KIF16B: variants seen among roughly 807,000 people sequenced by gnomAD.
KIF16B encodes kinesin-like protein KIF16B.
KIF16B carries 98 observed loss-of-function variants against 156.3 expected under a neutral mutation model. That is an observed-to-expected ratio of 0.63 (90% CI 0.53 to 0.74). The LOEUF (loss-of-function observed/expected upper bound fraction) is 0.74. KIF16B is among the 30% of genes least tolerant of loss of function. The pLI is 0.00. For missense variants in KIF16B, 1,421 were observed against 1,606.5 expected (o/e 0.88, Z 1.97); for synonymous variants, 564 against 583.7 (o/e 0.97, Z 0.49).
intron 1 of KIF16B, among the ~76,000 whole-genome samples, chr20:16,572,661 TATTTCAAACAC>T (rs1463039213): frequency 2.6e-5 from 4 of 152,202 alleles, no homozygotes; most frequent in African/African-American, 9.6e-5. Context: ...AATATCAGAG[TATTTCAAACAC>T]GTGTAAAGCG....
At chr20:16,457,372 C>T (rs1197555737) in intron 12 of KIF16B, among the ~76,000 whole-genome samples, 1 of 152,164 alleles carries the variant, frequency 6.6e-6, no homozygotes, top group African/African-American at 2.4e-5. Flanking sequence ...CAATATCTCT[C>T]CCCGAAAACC....
At chr20:16,344,662 GAAGACA>G (rs1339886091) in intron 23 of KIF16B, among the ~76,000 whole-genome samples, 2 of 152,146 alleles carry the variant, frequency 1.3e-5, no homozygotes, top group Non-Finnish European at 2.9e-5. Flanking sequence ...CCTGCACGCT[GAAGACA>G]GCCCCCTAGG....
chr20:16,485,671 T>A (rs2068093997), intron 12 of KIF16B, among the ~76,000 whole-genome samples: 1 of 152,226 alleles, frequency 6.6e-6, no homozygotes, highest in Admixed American at 6.5e-5. Context: ...CACTGGGCCT[T>A]TAAAACCAAC....
intron 17 of KIF16B, among the ~76,000 whole-genome samples, chr20:16,388,022 T>G (rs1600265621): frequency 1.3e-5 from 2 of 152,360 alleles, no homozygotes; most frequent in East Asian, 3.9e-4. Flanking sequence ...ACTTGTGATT[T>G]TCTTTCTGTG....
At chr20:16,305,577 A>C (rs191592367) in intron 25 of KIF16B, among the ~76,000 whole-genome samples, 6 of 152,318 alleles carry the variant, frequency 3.9e-5, no homozygotes, top group African/African-American at 9.6e-5. Context: ...AATATACAAT[A>C]AGTGATAATT....
At chr20:16,493,905 C>T (rs545954803) in intron 12 of KIF16B, among the ~76,000 whole-genome samples, 94 of 152,116 alleles carry the variant, frequency 6.2e-4, no homozygotes, top group Admixed American at 1.1e-3. Context: ...AATATTGCCA[C>T]GGGAAATATT....
At chr20:16,286,416 T>C (rs1429822091) in intron 25 of KIF16B, among the ~76,000 whole-genome samples, 1 of 151,954 alleles carries the variant, frequency 6.6e-6, no homozygotes, top group East Asian at 1.9e-4. Context: ...TACTCCAGAG[T>C]CTGAAAAAAT....
chr20:16,333,342 C>T (rs975883412), intron 24 of KIF16B, among the ~76,000 whole-genome samples: 2 of 152,160 alleles, frequency 1.3e-5, no homozygotes, highest in Non-Finnish European at 2.9e-5. Context: ...GCTCTCATGC[C>T]ACACTATCAC....
intron 23 of KIF16B, among the ~76,000 whole-genome samples, chr20:16,344,539 C>T (rs1005136295): frequency 6.6e-6 from 1 of 152,164 alleles, no homozygotes; most frequent in Non-Finnish European, 1.5e-5. Flanking sequence ...CCTCCTGACA[C>T]TGGGAGACCA....
intron 1 of KIF16B, among the ~76,000 whole-genome samples, chr20:16,537,397 T>C (rs895608912): frequency 2.6e-5 from 4 of 152,138 alleles, no homozygotes; most frequent in African/African-American, 9.7e-5. Flanking sequence ...CACTCCTGCT[T>C]GTCTCATCCA....
chr20:16,320,222 T>C (rs1430214140), intron 24 of KIF16B, among the ~76,000 whole-genome samples: 5 of 152,196 alleles, frequency 3.3e-5, no homozygotes, highest in Admixed American at 3.3e-4. Flanking sequence ...ACCTAGCCTA[T>C]ATCTTAGCCA....
At chr20:16,490,646 C>T (rs11907288) in intron 12 of KIF16B, among the ~76,000 whole-genome samples, 8,424 of 152,158 alleles carry the variant, frequency 0.055, 482 homozygotes, top group African/African-American at 0.15. Flanking sequence ...AAGACACAGA[C>T]AAGAGAGGAC....
At chr20:16,424,837 G>A (rs2066313341) in intron 15 of KIF16B, among the ~76,000 whole-genome samples, 1 of 152,084 alleles carries the variant, frequency 6.6e-6, no homozygotes, top group African/African-American at 2.4e-5. Flanking sequence ...TGGAAGCCAG[G>A]TTCATCACTG....
At chr20:16,368,306 G>C (rs1568894060) in intron 22 of KIF16B, 1 of 995,262 alleles carries the variant, frequency 1.0e-6, no homozygotes, top group African/African-American at 1.7e-5. Context: ...GCCCGGTAAG[G>C]CGCCGCACCC....
chr20:16,422,750 G>T (rs1275965635), intron 15 of KIF16B, among the ~76,000 whole-genome samples: 1 of 152,068 alleles, frequency 6.6e-6, no homozygotes, highest in Admixed American at 6.6e-5. Flanking sequence ...GAAAGAAATA[G>T]ATGATAATTC....
At chr20:16,293,986 A>T (rs1361509748) in intron 25 of KIF16B, among the ~76,000 whole-genome samples, 3 of 152,052 alleles carry the variant, frequency 2.0e-5, no homozygotes, top group East Asian at 3.9e-4. Context: ...AAAATTTTTT[A>T]AAAAGTCAAG....
Position 16,532,698 on chromosome 20 carries a change from T to C in KIF16B, c.48-4258A>G, listed in dbSNP as rs569683758. 2.0e-5 allele frequency among the ~76,000 whole-genome samples: 3 copies of C among 152,342 alleles called. No homozygotes were observed. In the South Asian group the frequency reaches 6.2e-4, roughly 32 times the overall value. The stretch of plus-strand genomic sequence containing the variant: ...CTCAATCAATCACTAACCTAATGCA[T>C]CTAGAGCTTTCATCTTAAAACCACT... On this transcript the variant is annotated intron_variant, in intron 1 of 25. Coordinates refer to ENST00000354981, the MANE Select transcript of KIF16B (RefSeq NM_024704.5).
intron 3 of KIF16B, among the ~76,000 whole-genome samples, chr20:16,524,074 G>C (rs573091346): frequency 1.3e-5 from 2 of 152,244 alleles, no homozygotes; most frequent in East Asian, 3.9e-4. Context: ...AAAAACCATA[G>C]AAGAAAACCT....
chr20:16,439,819 G>A (rs2066744636), intron 12 of KIF16B, among the ~76,000 whole-genome samples: 1 of 152,110 alleles, frequency 6.6e-6, no homozygotes, highest in Admixed American at 6.6e-5. Context: ...AATACCATCA[G>A]ATCTCTTGAG....
Sources: allele counts gnomAD v4.1 joint callset (sites outside exome capture counted in the v4.1 genomes callset), GRCh38; gene constraint gnomAD v4.1.1; transcripts MANE v1.5; gene names NCBI Gene and HGNC (gene_info 2026-07-23, HGNC 2026-07-21).